CNTNAP2: variants seen among roughly 807,000 people sequenced by gnomAD.
The protein encoded by CNTNAP2 is contactin associated protein 2, also known as contactin-associated protein-like 2.
Under a neutral mutation model 155.2 loss-of-function variants are expected in CNTNAP2, and 98 were observed. That is an observed-to-expected ratio of 0.63 (90% CI 0.54 to 0.75). CNTNAP2 has a LOEUF of 0.75. CNTNAP2 is among the 30% of genes least tolerant of loss of function. The pLI is 0.00. For missense variants in CNTNAP2, 1,727 were observed against 1,688.1 expected (o/e 1.02, Z -0.40); for synonymous variants, 651 against 631.2 (o/e 1.03, Z -0.47).
intron 13 of CNTNAP2, among the ~76,000 whole-genome samples, chr7:147,763,089 G>A (rs965370239): frequency 5.3e-5 from 8 of 151,778 alleles, no homozygotes; most frequent in African/African-American, 1.5e-4. Flanking sequence ...AGAAGCCCCC[G>A]TCTCTACTAA....
intron 1 of CNTNAP2, among the ~76,000 whole-genome samples, chr7:146,428,677 A>G (rs371933275): frequency 1.3e-5 from 2 of 151,762 alleles, no homozygotes; most frequent in Admixed American, 6.6e-5. Flanking sequence ...AGATTGCAAA[A>G]ATCTTCTCCC....
intron 1 of CNTNAP2, among the ~76,000 whole-genome samples, chr7:146,454,469 T>G (rs1796526862): frequency 6.6e-6 from 1 of 152,108 alleles, no homozygotes; most frequent in Admixed American, 6.6e-5. Context: ...TTAAAATTTT[T>G]ACTGTGTAGT....
intron 12 of CNTNAP2, among the ~76,000 whole-genome samples, chr7:147,628,298 A>T (rs1795023291): frequency 6.6e-6 from 1 of 152,220 alleles, no homozygotes; most frequent in Non-Finnish European, 1.5e-5. Flanking sequence ...TAGAAACCTT[A>T]CAAGACAGAA....
rs867790566 is a variant in CNTNAP2, at chr7:147,539,610, A to G, written c.1778-22528A>G. Among the ~76,000 whole-genome samples the G allele has an allele frequency of 2.6e-5, 4 of 152,354 alleles. No individual in the cohort carries two copies. The South Asian group carries it at 8.3e-4, about 32-fold the overall frequency. On this transcript the variant is annotated intron_variant, in intron 11 of 23. Coordinates refer to ENST00000361727, the MANE Select transcript of CNTNAP2 (RefSeq NM_014141.6). ...TCATCACAAACCTTTACATTTGTTC[A>G]GACCAGGAAAATAAATGTCAGATGC...
At chr7:146,223,990 A>G (rs2116901790) in intron 1 of CNTNAP2, among the ~76,000 whole-genome samples, 1 of 152,346 alleles carries the variant, frequency 6.6e-6, no homozygotes, top group South Asian at 2.1e-4. Context: ...CGTTAGCATC[A>G]GTTGCTGGAA....
intron 1 of CNTNAP2, among the ~76,000 whole-genome samples, chr7:146,373,693 A>G (rs1227159044): frequency 6.6e-6 from 1 of 152,136 alleles, no homozygotes; most frequent in African/African-American, 2.4e-5. Context: ...CCATAAATAT[A>G]ACAGAGAAAA....
chr7:148,092,228 C>T (rs543160965), intron 15 of CNTNAP2, among the ~76,000 whole-genome samples: 2 of 152,206 alleles, frequency 1.3e-5, no homozygotes, highest in East Asian at 3.9e-4. Flanking sequence ...AAATGTTGAC[C>T]AACAAAAGCA....
intron 1 of CNTNAP2, among the ~76,000 whole-genome samples, chr7:146,228,559 G>A (rs1799332608): frequency 6.6e-6 from 1 of 152,102 alleles, no homozygotes; most frequent in African/African-American, 2.4e-5. Flanking sequence ...TACAGAGCAA[G>A]CTCTTTATGC....
chr7:147,380,789 A>G (rs963243718), intron 9 of CNTNAP2, among the ~76,000 whole-genome samples: 17 of 152,286 alleles, frequency 1.1e-4, no homozygotes, highest in Admixed American at 8.5e-4. Context: ...TTGATTTCCT[A>G]CTAGTTGGGA....
At chr7:147,799,215 T>A (rs76584667) in intron 13 of CNTNAP2, among the ~76,000 whole-genome samples, 1 of 152,244 alleles carries the variant, frequency 6.6e-6, no homozygotes, top group East Asian at 1.9e-4. Flanking sequence ...CTTCCCAGAA[T>A]ATATTAGCAG....
intron 1 of CNTNAP2, among the ~76,000 whole-genome samples, chr7:146,270,444 A>G (rs1800062987): frequency 6.6e-6 from 1 of 152,126 alleles, no homozygotes; most frequent in African/African-American, 2.4e-5. Flanking sequence ...CAATTATCTT[A>G]AAGATTTCAT....
At chr7:147,199,703 G>C (rs1284549742) in intron 8 of CNTNAP2, among the ~76,000 whole-genome samples, 1 of 151,752 alleles carries the variant, frequency 6.6e-6, no homozygotes, top group African/African-American at 2.4e-5. Context: ...ATTCTTTAGA[G>C]AAATGAAGTT....
intron 13 of CNTNAP2, among the ~76,000 whole-genome samples, chr7:147,863,435 G>T (rs573678080): frequency 3.3e-5 from 5 of 152,164 alleles, no homozygotes; most frequent in African/African-American, 1.2e-4. Flanking sequence ...AATCCTTTTG[G>T]TATATACCCA....
rs1716460175 is a variant in CNTNAP2 at position 146,718,354 on chromosome 7, C to A, written c.98-55917C>A. Among the ~76,000 whole-genome samples, 6 of 151,904 alleles carry A rather than the reference C, an allele frequency of 3.9e-5. No homozygotes were observed. In the South Asian group the frequency reaches 1.3e-3, roughly 32 times the overall value. On this transcript the variant is annotated intron_variant, in intron 1 of 23. Coordinates refer to ENST00000361727, the MANE Select transcript of CNTNAP2 (RefSeq NM_014141.6). Reference sequence around the variant, plus strand: ...AAGAGAAGTTTCTCAAAAATGAGGACTGGAATAAAAGCTTCTGTGGCTTGT... The same window carrying A: ...AAGAGAAGTTTCTCAAAAATGAGGAATGGAATAAAAGCTTCTGTGGCTTGT...
At chr7:146,396,523 T>C (rs183376643) in intron 1 of CNTNAP2, among the ~76,000 whole-genome samples, 7 of 152,040 alleles carry the variant, frequency 4.6e-5, no homozygotes, top group Non-Finnish European at 8.8e-5. Context: ...GATTTGGCAA[T>C]TATTAAAAAA....
intron 17 of CNTNAP2, among the ~76,000 whole-genome samples, chr7:148,160,371 A>G (rs1562978590): frequency 6.6e-6 from 1 of 151,704 alleles, no homozygotes; most frequent in Non-Finnish European, 1.5e-5. Context: ...TGATCACACT[A>G]CTGTACTACA....
intron 18 of CNTNAP2, among the ~76,000 whole-genome samples, chr7:148,207,106 C>T (rs1795462506): frequency 6.6e-6 from 1 of 152,204 alleles, no homozygotes; most frequent in Non-Finnish European, 1.5e-5. Flanking sequence ...CAGCATGAGC[C>T]TCACATATAG....
intron 1 of CNTNAP2, among the ~76,000 whole-genome samples, chr7:146,202,032 G>A (rs896928460): frequency 2.6e-5 from 4 of 152,076 alleles, no homozygotes; most frequent in Non-Finnish European, 5.9e-5. Context: ...CAATCCTGAT[G>A]GTGGTGAGTG....
intron 1 of CNTNAP2, among the ~76,000 whole-genome samples, chr7:146,564,891 C>T (rs1318066111): frequency 6.6e-6 from 1 of 151,980 alleles, no homozygotes; most frequent in Non-Finnish European, 1.5e-5. Flanking sequence ...AGTATGATCT[C>T]TTATTATACA....
Sources: allele counts gnomAD v4.1 joint callset (sites outside exome capture counted in the v4.1 genomes callset), GRCh38; gene constraint gnomAD v4.1.1; transcripts MANE v1.5; gene names NCBI Gene and HGNC (gene_info 2026-07-23, HGNC 2026-07-21).